BRD1: variants seen among roughly 807,000 people sequenced by gnomAD.
BRD1 encodes bromodomain-containing protein 1.
A neutral mutation model predicts 107.7 loss-of-function variants in BRD1; 24 were observed. The observed-to-expected ratio is 0.22, with a 90% CI of 0.16 to 0.31. The LOEUF is 0.31. Ranked by LOEUF, BRD1 falls within the 10% of genes least tolerant of loss-of-function variation. The pLI is 1.00. For missense variants in BRD1, 1,279 were observed against 1,638.6 expected (o/e 0.78, Z 3.79); for synonymous variants, 744 against 686.1 (o/e 1.08, Z -1.32).
chr22:49,785,298 G>T (rs755441478), intron 8 of BRD1, among the ~76,000 whole-genome samples: 1 of 152,216 alleles, frequency 6.6e-6, no homozygotes, highest in Non-Finnish European at 1.5e-5. Flanking sequence ...GCTGAGTGTC[G>T]ACGGGAGGCC....
chr22:49,777,788 C>T lies in BRD1; in HGVS notation c.2883G>A (p.Ala961=), dbSNP rs773341039. ...CGCCGCCCGGCTCCTGCTCGCTCCTCGCACCCCCAAAGCCGTTGGTGAGAC... is the reference window on the plus strand; with the variant it reads ...CGCCGCCCGGCTCCTGCTCGCTCCTTGCACCCCCAAAGCCGTTGGTGAGAC... ...DAGLTNGFGG[A]RSEQEPGGGL... is the part of the protein sequence containing the mutation. Residue 961 remains alanine, a synonymous_variant, in exon 9 of 13, where the codon GCG becomes GCA. Transcript: ENST00000404760. 3.5e-5 allele frequency: 56 copies of T among 1,603,504 alleles called. No individual in the cohort carries two copies. The highest frequency in any genetic ancestry group is 2.4e-4 in the South Asian group (22 of 90,098).
chr22:49,815,501 C>CT (rs2059932801), intron 2 of BRD1, among the ~76,000 whole-genome samples: 1 of 151,954 alleles, frequency 6.6e-6, no homozygotes, highest in African/African-American at 2.4e-5. Context: ...GTAGATCACG[C>CT]CACTGCACTC....
chr22:49,824,002 T>A lies in BRD1; in HGVS notation c.316A>T (p.Ser106Cys). The A allele has an allele frequency of 3.1e-6, 5 of 1,613,972 alleles. No homozygotes were observed. Among genetic ancestry groups the A allele is most frequent in the Non-Finnish European group, 4.2e-6 (5 of 1,180,030 alleles). ...RVKKKNEALP[S>C]AHGTPASASA... ...GCCGAGGCCGGCGTGCCGTGGGCGC[T>A]GGGGAGGGCCTCGTTTTTCTTTTTG... The change falls in exon 2 of 13, where the codon AGC becomes TGC. Residue 106 changes from serine (S) to cysteine (C), a missense_variant. Ser to Cys is a moderately radical substitution (Grantham distance 112). Transcript: ENST00000404760. The surrounding 1 kb of genome is among the most constrained non-coding windows in gnomAD (Gnocchi z 5.9).
chr22:49,787,374 C>T lies in BRD1; in HGVS notation c.2857+16G>A, dbSNP rs200072425. Reference sequence around the variant, plus strand: ...GGTCGGCAAGGGCGCCTCTCAGGGCCGCCCGCGGCATTTACCTGCGTCCAG... The same window carrying T: ...GGTCGGCAAGGGCGCCTCTCAGGGCTGCCCGCGGCATTTACCTGCGTCCAG... On this transcript the variant is annotated intron_variant, in intron 8 of 12. Coordinates refer to ENST00000404760, the MANE Select transcript of BRD1 (RefSeq NM_001304808.3). 143 of 1,579,500 alleles carry T rather than the reference C, an allele frequency of 9.1e-5. 3 individuals are homozygous for T. The East Asian group carries it at 3.1e-3, about 35-fold the overall frequency.
chr22:49,824,826 C>T lies in BRD1; in HGVS notation c.-14-495G>A. ...GGATGCTCCCCCTAAACCACTCTTC[C>T]CCTCCCCACTACTCCCAGGAGAGCA... On this transcript the variant is annotated intron_variant, in intron 1 of 12. Transcript: ENST00000404760. This position sits in a 1 kb window ranked among gnomAD's most constrained non-coding sequence, Gnocchi z 5.9. The T allele has an allele frequency of 2.0e-6, 2 of 1,005,340 alleles. No homozygotes were observed. The highest frequency in any genetic ancestry group is 2.4e-6 in the Non-Finnish European group (2 of 840,288). The allele number at this position is 1,005,340 out of a possible 1,614,324, so 62.3% of individuals were successfully genotyped here. A position where few individuals can be genotyped will look rare whatever the true frequency, so the allele number is the denominator to read the frequency against.
At position 49,777,781 on chromosome 22, in the gene BRD1, C is replaced by A; in HGVS notation, c.2890G>T (p.Glu964Ter). Reference sequence around the variant, plus strand: ...CCCAGGCCGCCGCCCGGCTCCTGCTCGCTCCTCGCACCCCCAAAGCCGTTG... The same window carrying A: ...CCCAGGCCGCCGCCCGGCTCCTGCTAGCTCCTCGCACCCCCAAAGCCGTTG... ...LTNGFGGARS[E>*]QEPGGGLGRK... The change falls in exon 9 of 13, where the codon GAG (glutamate) becomes TAG (stop). Residue 964 changes from glutamate (E) to a stop codon, truncating the protein, a stop_gained. Coordinates refer to ENST00000404760, the MANE Select transcript of BRD1 (RefSeq NM_001304808.3). LOFTEE classifies it high-confidence loss of function. 6.2e-7 allele frequency: 1 copy of A among 1,604,242 alleles called. No individual in the cohort carries two copies. The highest frequency in any genetic ancestry group is 2.2e-5 in the East Asian group (1 of 44,718).
Position 49,787,584 on chromosome 22 carries a change from G to A in BRD1, c.2663C>T (p.Ser888Leu), listed in dbSNP as rs774264896. The A allele has an allele frequency of 4.5e-6, 7 of 1,564,916 alleles. No individual in the cohort carries two copies. Among genetic ancestry groups the A allele is most frequent in the Non-Finnish European group, 6.1e-6 (7 of 1,154,130 alleles). The change falls in exon 8 of 13, where the codon TCG (serine) becomes TTG (leucine). Residue 888 changes from serine (S) to leucine (L), a missense_variant. By Grantham distance (145) the Ser-to-Leu change is moderately radical. Coordinates refer to ENST00000404760, the MANE Select transcript of BRD1 (RefSeq NM_001304808.3). Reference sequence around the variant, plus strand: ...AGACTTTGGGGGGCTTACACTTTTCGATTTGCAGAAGAGAACAGAAGTGCG... The same window carrying A: ...AGACTTTGGGGGGCTTACACTTTTCAATTTGCAGAAGAGAACAGAAGTGCG... ...NRRTSVLFCK[S>L]KSVSPPKSAK... is the part of the protein sequence containing the mutation.
At chr22:49,818,563 G>A (rs551638205) in intron 2 of BRD1, among the ~76,000 whole-genome samples, 1 of 152,170 alleles carries the variant, frequency 6.6e-6, no homozygotes, top group African/African-American at 2.4e-5. Context: ...AAATGGAAAA[G>A]ACTTTCCCTT....
intron 2 of BRD1, among the ~76,000 whole-genome samples, chr22:49,810,246 C>T (rs1340585883): frequency 6.6e-6 from 1 of 152,152 alleles, no homozygotes; most frequent in South Asian, 2.1e-4. Context: ...TGGCCAGACG[C>T]GGTGACTCAC....
chr22:49,780,934 T>G (rs980023873), intron 8 of BRD1, among the ~76,000 whole-genome samples: 8 of 152,202 alleles, frequency 5.3e-5, no homozygotes, highest in African/African-American at 1.9e-4. Flanking sequence ...CAGCAGGCAC[T>G]GAGGCCGAGC....
Position 49,781,622 on chromosome 22 carries a change from G to A in BRD1, c.2858-3809C>T, listed in dbSNP as rs867883504. On this transcript the variant is annotated intron_variant, in intron 8 of 12. Coordinates refer to ENST00000404760, the MANE Select transcript of BRD1 (RefSeq NM_001304808.3). Reference sequence around the variant, plus strand: ...AAGCCCGCCCCTGCCCGCCCCTGCCGCTGGCACCCAAGCTGCCACCTCGGC... The same window carrying A: ...AAGCCCGCCCCTGCCCGCCCCTGCCACTGGCACCCAAGCTGCCACCTCGGC... 2.4e-4 allele frequency among the ~76,000 whole-genome samples: 37 copies of A among 152,244 alleles called. 1 individual carries two copies. The highest frequency in any genetic ancestry group is 3.4e-3 in the Middle Eastern group (1 of 294).
At chr22:49,822,874 C>A in intron 2 of BRD1, 77 bp downstream of exon 2, 1 of 1,514,698 alleles carries the variant, frequency 6.6e-7, no homozygotes, top group Admixed American at 2.0e-5. Context: ...CAGCACGGGC[C>A]CTGCAGGCTG....
chr22:49,807,275 C>A (rs1015944070), intron 2 of BRD1: 2 of 152,044 alleles, frequency 1.3e-5, no homozygotes, highest in African/African-American at 4.8e-5. Context: ...ATAGGAAAAT[C>A]CACCCTAAAA....
In BRD1 at chr22:49,803,365, G is replaced by A. The variant is rs954883515; in HGVS notation, c.1524+839C>T. On this transcript the variant is annotated intron_variant, in intron 3 of 12. Coordinates refer to ENST00000404760, the MANE Select transcript of BRD1 (RefSeq NM_001304808.3). This position sits in a 1 kb window ranked among gnomAD's most constrained non-coding sequence, Gnocchi z 4.4. ...AGGATGGCAGTGAAAAGCACCATGA[G>A]GAAATTCCAAGAGGCACTCAGGCCA... Among the ~76,000 whole-genome samples the A allele has an allele frequency of 6.6e-6, 1 of 152,210 alleles. No individual in the cohort carries two copies. The highest frequency in any genetic ancestry group is 2.4e-5 in the African/African-American group (1 of 41,450).
At chr22:49,810,828 G>A (rs2059836061) in intron 2 of BRD1, among the ~76,000 whole-genome samples, 1 of 152,112 alleles carries the variant, frequency 6.6e-6, no homozygotes, top group African/African-American at 2.4e-5. Flanking sequence ...CAGCTGCCTT[G>A]GAAAACAATC....
Position 49,777,814 on chromosome 22 carries a change from C to G in BRD1, c.2858-1G>C. On this transcript the variant is annotated splice_acceptor_variant, in intron 8 of 12. Transcript: ENST00000404760. LOFTEE classifies it high-confidence loss of function. ...GCACCCCCAAAGCCGTTGGTGAGACCTGGAACACAGGCGGGCAGGCCCTGA... is the reference window on the plus strand; with the variant it reads ...GCACCCCCAAAGCCGTTGGTGAGACGTGGAACACAGGCGGGCAGGCCCTGA... 6.3e-7 allele frequency: 1 copy of G among 1,596,954 alleles called. No homozygotes were observed. Among genetic ancestry groups the G allele is most frequent in the Non-Finnish European group, 8.5e-7 (1 of 1,175,426 alleles).
At chr22:49,785,436 G>T (rs1163543447) in intron 8 of BRD1, among the ~76,000 whole-genome samples, 1 of 152,244 alleles carries the variant, frequency 6.6e-6, no homozygotes, top group Non-Finnish European at 1.5e-5. Context: ...ATGCAGAGGG[G>T]ACGCCCACAA....
intron 2 of BRD1, among the ~76,000 whole-genome samples, chr22:49,804,970 A>G (rs2059712000): frequency 6.6e-6 from 1 of 152,234 alleles, no homozygotes; most frequent in African/African-American, 2.4e-5. Context: ...CATTCTTTCT[A>G]TGTGACCCCA....
chr22:49,816,830 C>T (rs2059961984), intron 2 of BRD1, among the ~76,000 whole-genome samples: 1 of 152,232 alleles, frequency 6.6e-6, no homozygotes, highest in Non-Finnish European at 1.5e-5. Flanking sequence ...AAGGTGCCTA[C>T]CCTGCAGGGA....
Sources: allele counts gnomAD v4.1 joint callset (sites outside exome capture counted in the v4.1 genomes callset), GRCh38; gene constraint gnomAD v4.1.1; non-coding constraint Gnocchi (gnomAD v3.1); transcripts MANE v1.5; gene names NCBI Gene and HGNC (gene_info 2026-07-23, HGNC 2026-07-21).